Variants in LAMB4 observed in about 807,000 individuals in gnomAD.
The protein encoded by LAMB4 is laminin subunit beta 4.
LAMB4 carries 196 observed loss-of-function variants against 199.2 expected under a neutral mutation model. The observed-to-expected ratio is 0.98, with a 90% confidence interval of 0.88 to 1.11. The LOEUF (loss-of-function observed/expected upper bound fraction) is 1.11. Ranked by LOEUF, LAMB4 falls within the 50% of genes least tolerant of loss-of-function variation. The pLI, the probability that LAMB4 is intolerant of heterozygous loss-of-function variation, is 0.00. For missense variants in LAMB4, 2,080 were observed against 2,171.2 expected (o/e 0.96, Z 0.83); for synonymous variants, 744 against 770.6 (o/e 0.97, Z 0.57).
intron 10 of LAMB4, among the ~76,000 whole-genome samples, chr7:108,099,012 G>C (rs996030873): frequency 6.6e-6 from 1 of 152,142 alleles, no homozygotes; most frequent in Admixed American, 6.5e-5. Flanking sequence ...TCTAAAAATA[G>C]ATTTTAAAAA....
rs751895647 is a variant in LAMB4 at position 108,029,033 on chromosome 7, G to A, written c.5146+10C>T. On this transcript the variant is annotated intron_variant, in intron 33 of 33. Coordinates refer to ENST00000388781, the MANE Select transcript of LAMB4 (RefSeq NM_007356.3). ...TATCAAATTGGCAGGATGGATAAAA[G>A]AACAGATACCTGTTATTCTTCTTAT... 2.5e-6 allele frequency: 4 copies of A among 1,609,696 alleles called. No individual in the cohort carries two copies. The highest frequency in any genetic ancestry group is 1.7e-4 in the Middle Eastern group (1 of 6,030).
At chr7:108,056,091 C>T (rs2035977543) in intron 24 of LAMB4, 84 bp from the exon 25 acceptor site, 2 of 1,308,466 alleles carry the variant, frequency 1.5e-6, no homozygotes, top group African/African-American at 1.5e-5. Context: ...TTTCCTCTCT[C>T]CTGAAAATCT....
chr7:108,086,161 A>T (rs2037168224), intron 14 of LAMB4, among the ~76,000 whole-genome samples: 1 of 152,136 alleles, frequency 6.6e-6, no homozygotes, highest in Admixed American at 6.5e-5. Flanking sequence ...CCAACGACTG[A>T]CTGATGCAGG....
chr7:108,097,855 G>A (rs1279079934), intron 11 of LAMB4, among the ~76,000 whole-genome samples: 2 of 152,158 alleles, frequency 1.3e-5, no homozygotes, highest in South Asian at 4.1e-4. Context: ...TTGCAACTTG[G>A]CGTTAAATTT....
intron 5 of LAMB4, 141 bp downstream of exon 5, chr7:108,109,030 T>A: frequency 1.5e-6 from 1 of 647,068 alleles, no homozygotes; most frequent in Non-Finnish European, 2.8e-6. Context: ...CATGTAAGAG[T>A]CAAAGCTCAG....
At position 108,030,811 on chromosome 7, in the gene LAMB4, C is replaced by T. The variant is rs1046344997; in HGVS notation, c.4987G>A (p.Glu1663Lys). 3 of 1,613,832 alleles carry T rather than the reference C, an allele frequency of 1.9e-6. No homozygotes were observed. Among genetic ancestry groups the T allele is most frequent in the African/African-American group, 2.7e-5 (2 of 74,904 alleles). Residue 1663 changes from glutamate (E) to lysine (K), a missense_variant, in exon 32 of 34, where the codon GAG becomes AAG. By Grantham distance (56) the Glu-to-Lys change is moderately conservative. Transcript: ENST00000388781. ...ESAQHQAGSL[E>K]KEFVELKKQY... ...GCAGTGGTAGAACTAATGACCTTCT[C>T]AAGACTCCCAGCCTGGTGTTGGGCA...
Position 108,116,063 on chromosome 7 carries a change from C to G in LAMB4, c.133G>C (p.Ala45Pro), listed in dbSNP as rs1310739028. ...LLVGRNTQLMASSTCGLSRAQ... is the reference protein window; with the variant it reads ...LLVGRNTQLMPSSTCGLSRAQ... ...CTGCTCAGCCCACAGGTAGAAGAAG[C>G]CATAAGCTGCGTGTTCCTGCCCACC... The change falls in exon 3 of 34, where the codon GCT (alanine) becomes CCT (proline). Residue 45 changes from alanine to proline, a missense_variant. Transcript: ENST00000388781. 1 of 1,613,938 alleles carries G rather than the reference C, an allele frequency of 6.2e-7. No individual in the cohort carries two copies. Among genetic ancestry groups the G allele is most frequent in the Non-Finnish European group, 8.5e-7 (1 of 1,179,968 alleles).
At position 108,055,676 on chromosome 7, in the gene LAMB4, T is replaced by G. The variant is rs1452961045; in HGVS notation, c.3711A>C (p.Pro1237=). The part of the protein sequence containing the change: ...IERILKHPVF[P]SGKFLKVKDY... ...CCTTGACTTTTAAGAATTTCCCAGA[T>G]GGGAAAACAGGATGTTTCAAAATCC... The change falls in exon 25 of 34, where the codon CCA becomes CCC. Residue 1237 remains proline (P), a synonymous_variant. Transcript: ENST00000388781. 6.2e-7 allele frequency: 1 copy of G among 1,614,064 alleles called. No individual in the cohort carries two copies. Among genetic ancestry groups the G allele is most frequent in the Admixed American group, 1.7e-5 (1 of 60,006 alleles).
At chr7:108,079,333 TACAA>T (rs1474100391) in intron 15 of LAMB4, among the ~76,000 whole-genome samples, 2 of 152,224 alleles carry the variant, frequency 1.3e-5, no homozygotes, top group African/African-American at 2.4e-5. Flanking sequence ...ATTTTTCTTA[TACAA>T]ACAGTCACCA....
rs180931189 is a variant in LAMB4 at position 108,063,364 on chromosome 7, G to A, written c.3062-370C>T. Among the ~76,000 whole-genome samples the A allele has an allele frequency of 1.9e-3, 285 of 152,192 alleles. 1 individual carries two copies. The highest frequency in any genetic ancestry group is 1.9e-3 in the East Asian group (10 of 5,172). Reference sequence around the variant, plus strand: ...TTTGTTACAATGCAGATTCCTGGGCGTCACTCCCAGAGATTCTGACTCAGT... The same window carrying A: ...TTTGTTACAATGCAGATTCCTGGGCATCACTCCCAGAGATTCTGACTCAGT... On this transcript the variant is annotated intron_variant, in intron 22 of 33. Coordinates refer to ENST00000388781, the MANE Select transcript of LAMB4 (RefSeq NM_007356.3).
At chr7:108,095,859 G>A (rs1315124119) in intron 11 of LAMB4, among the ~76,000 whole-genome samples, 2 of 152,150 alleles carry the variant, frequency 1.3e-5, no homozygotes, top group East Asian at 3.8e-4. Context: ...ACCAGAGCAA[G>A]GAATACACTT....
At chr7:108,036,730 T>C (rs375436305) in intron 30 of LAMB4, among the ~76,000 whole-genome samples, 17 of 152,108 alleles carry the variant, frequency 1.1e-4, no homozygotes, top group African/African-American at 3.6e-4. Context: ...CTTTTCTTTT[T>C]TGGTTGGCTA....
chr7:108,102,518 C>G (rs1184760917), intron 10 of LAMB4, among the ~76,000 whole-genome samples: 2 of 152,130 alleles, frequency 1.3e-5, no homozygotes, highest in Non-Finnish European at 2.9e-5. Context: ...AAGAAAGTCC[C>G]AAGAGTGACA....
At chr7:108,121,851 T>C (rs1023029750) in intron 2 of LAMB4, among the ~76,000 whole-genome samples, 3 of 152,194 alleles carry the variant, frequency 2.0e-5, no homozygotes, top group Non-Finnish European at 2.9e-5. Context: ...TTTCTCCTTA[T>C]ATTGCTCAGT....
At chr7:108,117,889 G>C (rs1335842583) in intron 2 of LAMB4, among the ~76,000 whole-genome samples, 3 of 152,174 alleles carry the variant, frequency 2.0e-5, no homozygotes, top group East Asian at 1.9e-4. Flanking sequence ...AGAGGTCACT[G>C]TCGCGGCCAT....
At chr7:108,119,420 C>T (rs887289208) in intron 2 of LAMB4, among the ~76,000 whole-genome samples, 1 of 152,158 alleles carries the variant, frequency 6.6e-6, no homozygotes, top group African/African-American at 2.4e-5. Context: ...AAGTGTGGTA[C>T]ATCTGTACCA....
chr7:108,063,864 C>A lies in LAMB4; in HGVS notation c.2958G>T (p.Arg986=), dbSNP rs751639136. Residue 986 remains arginine, a synonymous_variant, in exon 22 of 34, where the codon CGG becomes CGT. Transcript: ENST00000388781. ...AACATCGAAGGCACTCCCCTGTTAC[C>A]CGGCTGCAGGACTCTGGATCGGTTA... The part of the protein sequence containing the change: ...IDVTDPESCS[R]VTGECLRCLH... 1 of 1,614,048 alleles carries A rather than the reference C, an allele frequency of 6.2e-7. No homozygotes were observed. The highest frequency in any genetic ancestry group is 8.5e-7 in the Non-Finnish European group (1 of 1,180,020).
chr7:108,112,981 C>T (rs2038284245), intron 3 of LAMB4, among the ~76,000 whole-genome samples: 1 of 152,204 alleles, frequency 6.6e-6, no homozygotes, highest in Admixed American at 6.5e-5. Context: ...ACTCTGGCTA[C>T]ACATGCTTCT....
chr7:108,117,667 G>A (rs926174228), intron 2 of LAMB4, among the ~76,000 whole-genome samples: 6 of 152,198 alleles, frequency 3.9e-5, no homozygotes, highest in African/African-American at 1.2e-4. Context: ...TATTAGGAAA[G>A]TAAAGGAATA....
Sources: allele counts gnomAD v4.1 joint callset (sites outside exome capture counted in the v4.1 genomes callset), GRCh38; gene constraint gnomAD v4.1.1; transcripts MANE v1.5; gene names NCBI Gene and HGNC (gene_info 2026-07-23, HGNC 2026-07-21).